ANKRD13B: variants seen among roughly 807,000 people sequenced by gnomAD.
The protein encoded by ANKRD13B is ankyrin repeat domain-containing protein 13B.
Under a neutral mutation model 74.4 loss-of-function variants are expected in ANKRD13B, and 33 were observed. That is an observed-to-expected ratio of 0.44 (90% CI 0.34 to 0.59). The LOEUF (loss-of-function observed/expected upper bound fraction) is 0.59, where lower values mean the gene tolerates loss of function less well. Ranked by LOEUF, ANKRD13B falls within the 20% of genes least tolerant of loss-of-function variation. The pLI, the probability that ANKRD13B is intolerant of heterozygous loss-of-function variation, is 0.02. For synonymous variants in ANKRD13B, 341 were observed against 362.9 expected, an observed-to-expected ratio of 0.94 and a Z score of 0.68; for missense variants, 676 against 877.9, an observed-to-expected ratio of 0.77 and a Z score of 2.91.
intron 1 of ANKRD13B, among the ~76,000 whole-genome samples, chr17:29,597,551 G>T (rs964352650): frequency 6.6e-6 from 1 of 152,078 alleles, no homozygotes; most frequent in Non-Finnish European, 1.5e-5. Flanking sequence ...AGGAATCTCC[G>T]TTCTCTTGGT....
chr17:29,603,987 C>T (rs1388786167), intron 1 of ANKRD13B, among the ~76,000 whole-genome samples: 5 of 151,444 alleles, frequency 3.3e-5, no homozygotes, highest in South Asian at 4.2e-4. Context: ...GTGATCCACC[C>T]GCCTCAGCCT....
intron 1 of ANKRD13B, among the ~76,000 whole-genome samples, chr17:29,602,431 G>C (rs1475230890): frequency 3.3e-5 from 5 of 151,840 alleles, no homozygotes; most frequent in Non-Finnish European, 7.4e-5. Flanking sequence ...GTCACAGTTC[G>C]GGAGACATAA....
At chr17:29,594,584 G>A (rs1489584970) in intron 1 of ANKRD13B, among the ~76,000 whole-genome samples, 1 of 152,234 alleles carries the variant, frequency 6.6e-6, no homozygotes, top group Non-Finnish European at 1.5e-5. Context: ...ACAGGTCACA[G>A]ATTGCCACTT....
At chr17:29,606,531 C>T (rs1598609368) in intron 1 of ANKRD13B, among the ~76,000 whole-genome samples, 2 of 151,810 alleles carry the variant, frequency 1.3e-5, no homozygotes, top group African/African-American at 4.8e-5. Flanking sequence ...GCACTCTAGC[C>T]TGGGTGACAC....
intron 14 of ANKRD13B, 142 bp from the exon 15 acceptor site, chr17:29,613,211 TG>T: frequency 1.5e-6 from 2 of 1,335,740 alleles, no homozygotes; most frequent in South Asian, 1.5e-5. Flanking sequence ...CACGACCAGG[TG>T]GGGGCCAGGA....
At chr17:29,598,501 CCCTCCCTCCCTTCCCTG>C (rs1298536617) in intron 1 of ANKRD13B, among the ~76,000 whole-genome samples, 1 of 139,488 alleles carries the variant, frequency 7.2e-6, no homozygotes, top group Non-Finnish European at 1.6e-5. Context: ...CCTTCTCCCT[CCCTCCCTCCCTTCCCTG>C]CCTCCCTCCC....
intron 1 of ANKRD13B, among the ~76,000 whole-genome samples, chr17:29,596,048 CT>C (rs570454023): frequency 1.3e-5 from 2 of 152,230 alleles, no homozygotes; most frequent in South Asian, 2.1e-4. Context: ...TCTAGTCCCC[CT>C]GGTACCAGCC....
intron 1 of ANKRD13B, among the ~76,000 whole-genome samples, chr17:29,606,174 G>A (rs1452945515): frequency 6.6e-6 from 1 of 150,816 alleles, no homozygotes; most frequent in Non-Finnish European, 1.5e-5. Flanking sequence ...GCCTCCCAAA[G>A]TGCTGGGATT....
In ANKRD13B at chr17:29,611,738, C is replaced by T; in HGVS notation, c.969+95C>T. On this transcript the variant is annotated intron_variant, in intron 9 of 14. Coordinates refer to ENST00000394859, the MANE Select transcript of ANKRD13B (RefSeq NM_152345.5). The surrounding 1 kb of genome is among the most constrained non-coding windows in gnomAD (Gnocchi z 4.3). ...TCCTGCTTAGCATGGCCTATGTGGA[C>T]CTCCTTTCCACAATGCCCAAGGCCA... The T allele has an allele frequency of 6.4e-7, 1 of 1,572,766 alleles. No individual in the cohort carries two copies. Among genetic ancestry groups the T allele is most frequent in the Middle Eastern group, 1.7e-4 (1 of 5,956 alleles).
chr17:29,593,519 G>T lies in ANKRD13B; in HGVS notation c.-103G>T. On this transcript the variant is annotated 5_prime_UTR_variant, in exon 1 of 15. An upstream open reading frame in the 5' UTR gains an earlier in-frame stop. Transcript: ENST00000394859. ...GCACATGCCCGAGCCGCAGCCCCGCGAGCAGGCAGCGCCGGCCCCCCGCCC... is the reference window on the plus strand; with the variant it reads ...GCACATGCCCGAGCCGCAGCCCCGCTAGCAGGCAGCGCCGGCCCCCCGCCC... The T allele has an allele frequency of 1.1e-5, 4 of 353,260 alleles. No individual in the cohort carries two copies. In the South Asian group the frequency reaches 4.2e-4, roughly 37 times the overall value. The allele number at this position is 353,260 out of a possible 1,614,324, so 21.9% of individuals were successfully genotyped here. A position where few individuals can be genotyped will look rare whatever the true frequency, so the allele number is the denominator to read the frequency against.
In ANKRD13B at chr17:29,593,178, CG is replaced by C. The variant is rs2033827334; in HGVS notation, c.-441del. ...ATCCCCGTATCCCGCGCCGGCCGCT[CG>C]GGCTGAGGGCCGGGCTATGCAGCTG... On this transcript the variant is annotated 5_prime_UTR_variant, in exon 1 of 15. Coordinates refer to ENST00000394859, the MANE Select transcript of ANKRD13B (RefSeq NM_152345.5). Among the ~76,000 whole-genome samples the C allele has an allele frequency of 6.6e-6, 1 of 151,480 alleles. No individual in the cohort carries two copies. The highest frequency in any genetic ancestry group is 1.5e-5 in the Non-Finnish European group (1 of 67,766).
rs1406515568 is a variant in ANKRD13B, at chr17:29,593,731, G to A, written c.110G>A (p.Gly37Asp). The change falls in exon 1 of 15, where the codon GGC becomes GAC. Residue 37 changes from glycine to aspartate, a missense_variant. By Grantham distance (94) the Gly-to-Asp change is moderately conservative. Around this residue, in one of 4 missense-constraint regions of ANKRD13B, gnomAD observed 88 missense variants for 87.8 expected, o/e 1.00. Transcript: ENST00000394859. ...GAGCTGGAGAAGGAGGTCCGCGCGG[G>A]CCAGGTAGGAGCGCCTTCGGGGCGC... ...HRELEKEVRA[G>D]QVDIEQLDPR... is the part of the protein sequence containing the mutation. 1 of 1,416,890 alleles carries A rather than the reference G, an allele frequency of 7.1e-7. No individual in the cohort carries two copies. Among genetic ancestry groups the A allele is most frequent in the Non-Finnish European group, 9.3e-7 (1 of 1,074,484 alleles). The allele number at this position is 1,416,890 out of a possible 1,614,324, so 87.8% of individuals were successfully genotyped here.
In ANKRD13B at chr17:29,612,214, T is replaced by C; in HGVS notation, c.1199T>C (p.Phe400Ser). ...CTCATGGCCGTCAGCAATGCGCTTTTTGCCAAGCTCCGGGACTTCATCACC... is the reference window on the plus strand; with the variant it reads ...CTCATGGCCGTCAGCAATGCGCTTTCTGCCAAGCTCCGGGACTTCATCACC... ...IDLMAVSNAL[F>S]AKLRDFITLR... Residue 400 changes from phenylalanine to serine, a missense_variant, in exon 11 of 15, where the codon TTT (phenylalanine) becomes TCT (serine). Physicochemically the swap from Phe to Ser is radical, Grantham distance 155. Coordinates refer to ENST00000394859, the MANE Select transcript of ANKRD13B (RefSeq NM_152345.5). This position sits in a 1 kb window ranked among gnomAD's most constrained non-coding sequence, Gnocchi z 6.1. 1 of 1,614,134 alleles carries C rather than the reference T, an allele frequency of 6.2e-7. No homozygotes were observed. The highest frequency in any genetic ancestry group is 8.5e-7 in the Non-Finnish European group (1 of 1,180,026).
intron 1 of ANKRD13B, among the ~76,000 whole-genome samples, chr17:29,599,627 G>A (rs927512683): frequency 3.3e-5 from 5 of 152,104 alleles, no homozygotes; most frequent in Non-Finnish European, 7.4e-5. Context: ...ATGGGGGCAG[G>A]TGCAGCTGTC....
At chr17:29,596,392 G>T (rs941564620) in intron 1 of ANKRD13B, among the ~76,000 whole-genome samples, 1 of 152,170 alleles carries the variant, frequency 6.6e-6, no homozygotes, top group Non-Finnish European at 1.5e-5. Flanking sequence ...CTGCCAGGTC[G>T]GGGGGGACAG....
chr17:29,611,044 T>C lies in ANKRD13B; in HGVS notation c.904+278T>C, dbSNP rs911541147. On this transcript the variant is annotated intron_variant, in intron 8 of 14. Transcript: ENST00000394859. This position sits in a 1 kb window ranked among gnomAD's most constrained non-coding sequence, Gnocchi z 4.3. Reference sequence around the variant, plus strand: ...AATTTGGGAGAGGAGAGAAATGCCATGTATGCCATTTATTGGCCATTCTAG... The same window carrying C: ...AATTTGGGAGAGGAGAGAAATGCCACGTATGCCATTTATTGGCCATTCTAG... 1.3e-5 allele frequency among the ~76,000 whole-genome samples: 2 copies of C among 152,234 alleles called. No homozygotes were observed. The highest frequency in any genetic ancestry group is 1.3e-4 in the Admixed American group (2 of 15,288).
At position 29,609,349 on chromosome 17, in the gene ANKRD13B, C is replaced by A. The variant is rs1403877803; in HGVS notation, c.756-6C>A. On this transcript the variant is annotated splice_region_variant and splice_polypyrimidine_tract_variant and intron_variant, in intron 6 of 14. Coordinates refer to ENST00000394859, the MANE Select transcript of ANKRD13B (RefSeq NM_152345.5). This position sits in a 1 kb window ranked among gnomAD's most constrained non-coding sequence, Gnocchi z 4.0. ...CTGCCTCACCTGGACCACTCTGCTT[C>A]CCCAGGAACAAGACTGGCATCCTGG... The A allele has an allele frequency of 1.9e-6, 3 of 1,613,436 alleles. No homozygotes were observed. Among genetic ancestry groups the A allele is most frequent in the Non-Finnish European group, 2.5e-6 (3 of 1,180,002 alleles).
At chr17:29,597,491 A>G (rs937547541) in intron 1 of ANKRD13B, among the ~76,000 whole-genome samples, 3 of 151,934 alleles carry the variant, frequency 2.0e-5, no homozygotes, top group African/African-American at 7.3e-5. Context: ...CCCCAGCTAC[A>G]AAACTCCAAA....
Position 29,607,751 on chromosome 17 carries a change from G to C in ANKRD13B, c.124G>C (p.Glu42Gln). ...CCTCCTCCTCCTCCAGGTGGACATCGAGCAGCTGGATCCCCGCGGCCGGAC... is the reference window on the plus strand; with the variant it reads ...CCTCCTCCTCCTCCAGGTGGACATCCAGCAGCTGGATCCCCGCGGCCGGAC... ...KEVRAGQVDI[E>Q]QLDPRGRTPL... Residue 42 changes from glutamate (E) to glutamine (Q), a missense_variant, in exon 2 of 15, where the codon GAG (glutamate) becomes CAG (glutamine). Glu to Gln is a conservative substitution (Grantham distance 29). Coordinates refer to ENST00000394859, the MANE Select transcript of ANKRD13B (RefSeq NM_152345.5). The C allele has an allele frequency of 6.3e-7, 1 of 1,598,676 alleles. No individual in the cohort carries two copies. Among genetic ancestry groups the C allele is most frequent in the Non-Finnish European group, 8.5e-7 (1 of 1,179,004 alleles).
Sources: allele counts gnomAD v4.1 joint callset (sites outside exome capture counted in the v4.1 genomes callset), GRCh38; gene constraint gnomAD v4.1.1; regional missense constraint gnomAD v4.1.1; non-coding constraint Gnocchi (gnomAD v3.1); transcripts MANE v1.5; gene names NCBI Gene and HGNC (gene_info 2026-07-23, HGNC 2026-07-21).